CEMIP2: variants seen among roughly 807,000 people sequenced by gnomAD.
CEMIP2 encodes cell migration inducing hyaluronidase 2.
Under a neutral mutation model 146.9 loss-of-function variants are expected in CEMIP2, and 79 were observed. The observed-to-expected ratio is 0.54, with a 90% CI of 0.45 to 0.65. The LOEUF is 0.65. Ranked by LOEUF, CEMIP2 falls within the 30% of genes least tolerant of loss-of-function variation. The probability of loss-of-function intolerance (pLI) is 0.00; values close to 1 mark genes in which losing one functional copy is unlikely to be tolerated. For synonymous variants in CEMIP2, 601 were observed against 606.3 expected (o/e 0.99, Z 0.13); for missense variants, 1,596 against 1,696.2 (o/e 0.94, Z 1.04).
chr9:71,716,412 T>A (rs1823058744), intron 14 of CEMIP2, 105 bp downstream of exon 14: 2 of 992,188 alleles, frequency 2.0e-6, no homozygotes, highest in African/African-American at 1.7e-5. Flanking sequence ...TAATTTTTTT[T>A]ATGTTAAAAA....
intron 3 of CEMIP2, 45 bp from the exon 4 acceptor site, chr9:71,745,624 C>T: frequency 6.6e-7 from 1 of 1,506,060 alleles, no homozygotes; most frequent in Non-Finnish European, 8.9e-7. Flanking sequence ...AATCATCTTT[C>T]TGAGATACAA....
At chr9:71,723,236 T>A (rs973747758) in intron 11 of CEMIP2, among the ~76,000 whole-genome samples, 4 of 146,720 alleles carry the variant, frequency 2.7e-5, no homozygotes, top group Non-Finnish European at 6.0e-5. Context: ...TCAGATCACA[T>A]GGAATTGATG....
At chr9:71,712,927 A>G (rs1822949995) in intron 15 of CEMIP2, among the ~76,000 whole-genome samples, 1 of 152,216 alleles carries the variant, frequency 6.6e-6, no homozygotes, top group African/African-American at 2.4e-5. Flanking sequence ...TCTCCTATTA[A>G]TTCTTTAATT....
rs772159983 is a variant in CEMIP2 at position 71,704,676 on chromosome 9, A to G, written c.3113T>C (p.Val1038Ala). 2 of 1,614,158 alleles carry G rather than the reference A, an allele frequency of 1.2e-6. No homozygotes were observed. The highest frequency in any genetic ancestry group is 4.5e-5 in the East Asian group (2 of 44,886). Residue 1038 changes from valine to alanine, a missense_variant, in exon 18 of 24, where the codon GTC becomes GCC. Coordinates refer to ENST00000377044, the MANE Select transcript of CEMIP2 (RefSeq NM_013390.3). ...KAAFPQYQPV[V>A]MLEKGYTIHW... ...GATGGTATAACCCTTCTCCAGCATG[A>G]CGACAGGCTGGTACTGTGGAAAGGC...
intron 16 of CEMIP2, among the ~76,000 whole-genome samples, chr9:71,710,280 C>T (rs1454543087): frequency 6.6e-6 from 1 of 152,080 alleles, no homozygotes; most frequent in African/African-American, 2.4e-5. Flanking sequence ...TATATAATAC[C>T]AACGCTATTG....
chr9:71,704,420 A>C (rs1362305959), intron 18 of CEMIP2, 175 bp downstream of exon 18: 3 of 650,944 alleles, frequency 4.6e-6, no homozygotes, highest in Non-Finnish European at 7.9e-6. Flanking sequence ...GACAGGATTC[A>C]ATTTGTATAA....
At chr9:71,741,895 C>A (rs924318953) in intron 4 of CEMIP2, among the ~76,000 whole-genome samples, 1 of 152,078 alleles carries the variant, frequency 6.6e-6, no homozygotes, top group African/African-American at 2.4e-5. Context: ...ATCTGACCTC[C>A]TTGGCCTCCT....
chr9:71,718,054 G>A lies in CEMIP2; in HGVS notation c.2293C>T (p.Pro765Ser), dbSNP rs25692. 241,682 of 1,610,596 alleles carry A rather than the reference G, an allele frequency of 0.15. 19,824 individuals are homozygous for A. Among genetic ancestry groups the A allele is most frequent in the Non-Finnish European group, 0.17 (195,960 of 1,178,080 alleles). Residue 765 changes from proline to serine, a missense_variant, in exon 13 of 24, where the codon CCC becomes TCC. Transcript: ENST00000377044. The part of the protein sequence containing the change: ...ARFRPHQDAN[P>S]EKPRVAALID... ...AGAGCAGCAACACGTGGTTTTTCGG[G>A]GTTTGCATCCTGATGAGGTCGAAAT...
At chr9:71,738,864 T>C (rs577291263) in intron 5 of CEMIP2, among the ~76,000 whole-genome samples, 1 of 151,996 alleles carries the variant, frequency 6.6e-6, no homozygotes, top group South Asian at 2.1e-4. Flanking sequence ...ACTAGACAAA[T>C]AAATTTTGAT....
chr9:71,754,583 G>T (rs755866159), intron 1 of CEMIP2, among the ~76,000 whole-genome samples: 2 of 152,134 alleles, frequency 1.3e-5, no homozygotes, highest in Non-Finnish European at 2.9e-5. Context: ...TACAGACTGT[G>T]ACAACACCTA....
intron 12 of CEMIP2, among the ~76,000 whole-genome samples, chr9:71,719,093 AT>A (rs555651759): frequency 4.0e-5 from 6 of 151,340 alleles, no homozygotes; most frequent in Non-Finnish European, 8.8e-5. Flanking sequence ...AAGGCCACCT[AT>A]TTTTTTTTAA....
At chr9:71,731,994 G>C (rs1823630964) in intron 7 of CEMIP2, among the ~76,000 whole-genome samples, 1 of 152,030 alleles carries the variant, frequency 6.6e-6, no homozygotes, top group Non-Finnish European at 1.5e-5. Flanking sequence ...GTAATACTAT[G>C]CTTTTTAAAA....
At chr9:71,729,355 C>T (rs1385044209) in intron 10 of CEMIP2, among the ~76,000 whole-genome samples, 1 of 151,972 alleles carries the variant, frequency 6.6e-6, no homozygotes, top group Non-Finnish European at 1.5e-5. Flanking sequence ...CGTGGTGGCT[C>T]ACGCCTGTAA....
rs576851747 is a variant in CEMIP2 at position 71,735,585 on chromosome 9, G to A, written c.1205-591C>T. ...GGGGATCACTTGAGCTCAGCAGTTC[G>A]AGACCAGCCTGGGCAACATAGTGAG... On this transcript the variant is annotated intron_variant, in intron 5 of 23. Transcript: ENST00000377044. Among the ~76,000 whole-genome samples, 11 of 152,104 alleles carry A rather than the reference G, an allele frequency of 7.2e-5. No individual in the cohort carries two copies. The South Asian group carries it at 2.3e-3, about 32-fold the overall frequency.
At chr9:71,759,616 A>G (rs1405653626) in intron 1 of CEMIP2, among the ~76,000 whole-genome samples, 3 of 152,218 alleles carry the variant, frequency 2.0e-5, no homozygotes, top group Admixed American at 2.0e-4. Flanking sequence ...TTGAGGGAAT[A>G]AATGATTACT....
intron 11 of CEMIP2, among the ~76,000 whole-genome samples, chr9:71,724,680 T>C (rs970118543): frequency 3.9e-5 from 6 of 152,134 alleles, no homozygotes; most frequent in Non-Finnish European, 7.4e-5. Flanking sequence ...CCAAATTTCA[T>C]GAAAAAATGG....
intron 5 of CEMIP2, among the ~76,000 whole-genome samples, chr9:71,735,774 C>A (rs559433247): frequency 7.9e-5 from 12 of 151,918 alleles, no homozygotes; most frequent in Admixed American, 5.2e-4. Context: ...CACAGCAAGA[C>A]CCTGTCTCAA....
intron 11 of CEMIP2, among the ~76,000 whole-genome samples, chr9:71,723,136 G>GAAAAAAAAAAAA (rs33948828): frequency 1.1e-4 from 11 of 104,200 alleles, no homozygotes; most frequent in Non-Finnish European, 1.5e-4. Context: ...AACAGCCAAA[G>GAAAAAAAAAAAA]AAAAAAAAAA....
intron 21 of CEMIP2, among the ~76,000 whole-genome samples, chr9:71,693,136 G>GA (rs1270787548): frequency 6.6e-6 from 1 of 152,038 alleles, no homozygotes; most frequent in African/African-American, 2.4e-5. Context: ...AAAAAATTAA[G>GA]AAAAAAAGTA....
Sources: allele counts gnomAD v4.1 joint callset (sites outside exome capture counted in the v4.1 genomes callset), GRCh38; gene constraint gnomAD v4.1.1; transcripts MANE v1.5; gene names NCBI Gene and HGNC (gene_info 2026-07-23, HGNC 2026-07-21).